The following PRRG4 variants were observed in gnomAD, a reference collection of about 807,000 sequenced individuals.
PRRG4 encodes proline rich and Gla domain 4, also known as transmembrane gamma-carboxyglutamic acid protein 4.
In PRRG4, 12 loss-of-function variants were observed where a neutral mutation model predicts 20.0. That is an observed-to-expected ratio of 0.60 (90% CI 0.38 to 0.97). PRRG4 has a LOEUF of 0.97. PRRG4 is among the 50% of genes least tolerant of loss of function. The pLI, the probability that PRRG4 is intolerant of heterozygous loss-of-function variation, is 0.00. For missense variants in PRRG4, 199 were observed against 265.1 expected, an observed-to-expected ratio of 0.75 and a Z score of 1.73; for synonymous variants, 94 against 96.4, an observed-to-expected ratio of 0.98 and a Z score of 0.15.
intron 5 of PRRG4, among the ~76,000 whole-genome samples, chr11:32,852,902 A>G (rs1411542286): frequency 1.4e-5 from 2 of 147,704 alleles, no homozygotes; most frequent in Non-Finnish European, 3.0e-5. Context: ...CCTCCCGAGT[A>G]GCTGAGACTA....
chr11:32,846,996 CA>C (rs35463940), intron 5 of PRRG4, among the ~76,000 whole-genome samples: 31 of 143,628 alleles, frequency 2.2e-4, no homozygotes, highest in Admixed American at 7.6e-4. Context: ...GACTCTGTCT[CA>C]AAAAAAAAAA....
chr11:32,847,901 G>T (rs915684134), intron 5 of PRRG4, among the ~76,000 whole-genome samples: 2 of 152,208 alleles, frequency 1.3e-5, no homozygotes, highest in Non-Finnish European at 2.9e-5. Flanking sequence ...ACTGTTGTAT[G>T]ATTCCACTTA....
rs144681373 is a variant in PRRG4, at chr11:32,831,615, C to A, written c.103+983C>A. 1.7e-3 allele frequency among the ~76,000 whole-genome samples: 259 copies of A among 152,290 alleles called. 1 individual carries two copies. Among genetic ancestry groups the A allele is most frequent in the Non-Finnish European group, 2.8e-3 (193 of 68,022 alleles). On this transcript the variant is annotated intron_variant, in intron 2 of 5. Transcript: ENST00000257836. ...AGGATCCTTTTTAGTCCCTCTCAAG[C>A]TGCACCATATATGTAAGTCCACTTA...
chr11:32,836,601 C>A, intron 2 of PRRG4, 57 bp from the exon 3 acceptor site: 2 of 1,051,716 alleles, frequency 1.9e-6, no homozygotes, highest in East Asian at 2.5e-5. Context: ...ACAATTAAAA[C>A]AGGAATTTTT....
Position 32,853,806 on chromosome 11 carries a change from C to A in PRRG4, c.*279C>A. 3.7e-6 allele frequency: 1 copy of A among 269,748 alleles called. No homozygotes were observed. The highest frequency in any genetic ancestry group is 7.1e-6 in the Non-Finnish European group (1 of 141,456). The allele number at this position is 269,748 out of a possible 1,614,324, so 16.7% of individuals were successfully genotyped here. ...TCACGCCACTGCATTCCAGCCTGGG[C>A]GACAGAGCAAGACTCCATCTCAAAA... On this transcript the variant is annotated 3_prime_UTR_variant, in exon 6 of 6. Coordinates refer to ENST00000257836, the MANE Select transcript of PRRG4 (RefSeq NM_024081.6).
rs1208311972 is a variant in PRRG4 at position 32,838,932 on chromosome 11, T to TAAA, written c.316+4_316+6dup. 1 of 1,600,414 alleles carries TAAA rather than the reference T, an allele frequency of 6.2e-7. No individual in the cohort carries two copies. The highest frequency in any genetic ancestry group is 1.7e-5 in the Admixed American group (1 of 59,958). On this transcript the variant is annotated splice_region_variant and intron_variant, in intron 4 of 5. Coordinates refer to ENST00000257836, the MANE Select transcript of PRRG4 (RefSeq NM_024081.6). The stretch of plus-strand genomic sequence containing the variant: ...CTAAAGGACCAACCACAAAATCAGG[T>TAAA]AAAACAAGAATTGATCAAATTTAAT...
chr11:32,846,815 C>T (rs1468333520), intron 5 of PRRG4, among the ~76,000 whole-genome samples: 4 of 151,978 alleles, frequency 2.6e-5, no homozygotes, highest in Non-Finnish European at 4.4e-5. Flanking sequence ...CTGGCCAACA[C>T]GGTGAAACCC....
intron 1 of PRRG4, 140 bp from the exon 2 acceptor site, chr11:32,830,368 G>A (rs1850956037): frequency 2.2e-5 from 19 of 868,164 alleles, no homozygotes; most frequent in South Asian, 9.2e-5. Flanking sequence ...CGCGCGTCGG[G>A]TTCCGGCGAC....
At chr11:32,847,225 C>T (rs1339707237) in intron 5 of PRRG4, among the ~76,000 whole-genome samples, 1 of 151,826 alleles carries the variant, frequency 6.6e-6, no homozygotes, top group African/African-American at 2.4e-5. Context: ...AGCCACTGCA[C>T]CCGGCCAAAA....
chr11:32,835,058 C>T (rs190684257), intron 2 of PRRG4, among the ~76,000 whole-genome samples: 12 of 152,320 alleles, frequency 7.9e-5, no homozygotes, highest in Admixed American at 3.3e-4. Flanking sequence ...AAGCGATCCA[C>T]CTGCCTCAGC....
intron 2 of PRRG4, among the ~76,000 whole-genome samples, chr11:32,834,641 A>G (rs1175421172): frequency 2.0e-5 from 3 of 152,166 alleles, no homozygotes; most frequent in Non-Finnish European, 4.4e-5. Context: ...AATTAATTTT[A>G]AGAATGTATT....
intron 3 of PRRG4, among the ~76,000 whole-genome samples, chr11:32,837,627 G>A (rs1851036788): frequency 6.7e-6 from 1 of 150,210 alleles, no homozygotes. Context: ...GAGCAATCTC[G>A]GCTCACTGCA....
chr11:32,834,905 C>T (rs1851005658), intron 2 of PRRG4, among the ~76,000 whole-genome samples: 2 of 152,174 alleles, frequency 1.3e-5, no homozygotes, highest in African/African-American at 2.4e-5. Flanking sequence ...CCTCTGCCTC[C>T]TGGCCTCAAG....
At chr11:32,832,485 T>C (rs377295248) in intron 2 of PRRG4, among the ~76,000 whole-genome samples, 2 of 121,252 alleles carry the variant, frequency 1.6e-5, no homozygotes, top group Non-Finnish European at 3.9e-5. Flanking sequence ...AATTCTTTTT[T>C]TTTTTTTTTT....
intron 2 of PRRG4, among the ~76,000 whole-genome samples, chr11:32,832,753 GA>G (rs1422110168): frequency 3.3e-5 from 5 of 152,202 alleles, no homozygotes; most frequent in Admixed American, 3.3e-4. Flanking sequence ...GAAGGGCTGG[GA>G]TTACAGGCGT....
At chr11:32,833,662 A>G (rs1456148787) in intron 2 of PRRG4, among the ~76,000 whole-genome samples, 1 of 152,238 alleles carries the variant, frequency 6.6e-6, no homozygotes, top group African/African-American at 2.4e-5. Context: ...AATTGCTTCA[A>G]CTGGTAGACT....
At chr11:32,839,020 C>T (rs187634354) in intron 4 of PRRG4, 90 bp downstream of exon 4, 125 of 906,446 alleles carry the variant, frequency 1.4e-4, no homozygotes, top group African/African-American at 1.2e-3. Context: ...TTGGTTGTTG[C>T]GCAACATACA....
intron 2 of PRRG4, 88 bp downstream of exon 2, chr11:32,830,720 C>T: frequency 6.3e-7 from 1 of 1,585,256 alleles, no homozygotes; most frequent in Non-Finnish European, 8.6e-7. Context: ...ATACCCCCAG[C>T]AATCATAGAA....
At position 32,839,747 on chromosome 11, in the gene PRRG4, G is replaced by A. The variant is rs59432265; in HGVS notation, c.317-360G>A. 1.1e-4 allele frequency among the ~76,000 whole-genome samples: 12 copies of A among 113,986 alleles called. No individual in the cohort carries two copies. The South Asian group carries it at 1.4e-3, about 13-fold the overall frequency. The allele number at this position is 113,986 out of a possible 152,430, so 74.8% of individuals were successfully genotyped here. A position where few individuals can be genotyped will look rare whatever the true frequency, so the allele number is the denominator to read the frequency against. On this transcript the variant is annotated intron_variant, in intron 4 of 5. Coordinates refer to ENST00000257836, the MANE Select transcript of PRRG4 (RefSeq NM_024081.6). ...ATATTTTGAATATTATTAAAATATA[G>A]ATATATTTTGAATATTATTAAAATA...
Sources: allele counts gnomAD v4.1 joint callset (sites outside exome capture counted in the v4.1 genomes callset), GRCh38; gene constraint gnomAD v4.1.1; transcripts MANE v1.5; gene names NCBI Gene and HGNC (gene_info 2026-07-23, HGNC 2026-07-21).